The following CENPC variants were observed in gnomAD, a reference collection of about 807,000 sequenced individuals.
CENPC encodes centromere protein C.
In CENPC, 63 loss-of-function variants were observed where a neutral mutation model predicts 112.1. The ratio of observed to expected loss-of-function variants is 0.56; its 90% confidence interval spans 0.46 to 0.69. CENPC has a LOEUF of 0.69. Among genes scored for constraint, CENPC ranks in the 30% least tolerant of loss-of-function variants. The pLI, the probability that CENPC is intolerant of heterozygous loss-of-function variation, is 0.00. For synonymous variants in CENPC, 333 were observed against 367.6 expected (o/e 0.91, Z 1.08); for missense variants, 1,000 against 1,103.8 (o/e 0.91, Z 1.33).
rs1724598389 is a variant in CENPC at position 67,469,603 on chromosome 4, A to G, written c.*3002T>C. Reference sequence around the variant, plus strand: ...CATGATCCACCCGACTTAGCCTCCCAAAGTGTTGGGATTACAGGCATGAGC... The same window carrying G: ...CATGATCCACCCGACTTAGCCTCCCGAAGTGTTGGGATTACAGGCATGAGC... On this transcript the variant is annotated 3_prime_UTR_variant, in exon 19 of 19. Transcript: ENST00000273853. 6.6e-6 allele frequency: 1 copy of G among 152,414 alleles called. No homozygotes were observed. 9.4% of individuals were successfully genotyped at this position (152,414 alleles called of 1,614,324 possible). A position where few individuals can be genotyped will look rare whatever the true frequency, so the allele number is the denominator to read the frequency against.
intron 9 of CENPC, 78 bp from the exon 10 acceptor site, chr4:67,509,183 T>C (rs2109798030): frequency 3.4e-6 from 3 of 881,716 alleles, no homozygotes; most frequent in Non-Finnish European, 5.2e-6. Context: ...ACAGCATTTA[T>C]ATTTGCATAT....
Position 67,470,493 on chromosome 4 carries a change from AC to A in CENPC, c.*2111del, listed in dbSNP as rs1724626415. ...AGGCTGACGCAGGAGAATTGCTTGA[AC>A]CCGGGAGGTGGAGGTTGCAGTGAGC... On this transcript the variant is annotated 3_prime_UTR_variant, in exon 19 of 19. Transcript: ENST00000273853. 6.9e-6 allele frequency: 1 copy of A among 144,410 alleles called. No individual in the cohort carries two copies. Among genetic ancestry groups the A allele is most frequent in the African/African-American group, 2.6e-5 (1 of 38,746 alleles). The allele number at this position is 144,410 out of a possible 1,614,324, so 8.9% of individuals were successfully genotyped here.
rs550208496 is a variant in CENPC at position 67,471,804 on chromosome 4, T to C, written c.*801A>G. ...AGAATTTTTAGCTTAGATGTATTGA[T>C]TGATATTAAAAAGGGAAAGTTGAGG... On this transcript the variant is annotated 3_prime_UTR_variant, in exon 19 of 19. Coordinates refer to ENST00000273853, the MANE Select transcript of CENPC (RefSeq NM_001812.4). 2 of 152,342 alleles carry C rather than the reference T, an allele frequency of 1.3e-5. No homozygotes were observed. Among genetic ancestry groups the C allele is most frequent in the South Asian group, 4.2e-4 (2 of 4,818 alleles). 9.4% of individuals were successfully genotyped at this position (152,342 alleles called of 1,614,324 possible).
intron 18 of CENPC, among the ~76,000 whole-genome samples, chr4:67,473,464 T>C (rs1056765464): frequency 3.9e-5 from 6 of 152,210 alleles, no homozygotes; most frequent in African/African-American, 1.4e-4. Flanking sequence ...TCCAACAGAA[T>C]GTAAGCTCTA....
At chr4:67,523,652 A>T (rs1011467209) in intron 5 of CENPC, among the ~76,000 whole-genome samples, 2 of 145,492 alleles carry the variant, frequency 1.4e-5, no homozygotes, top group Non-Finnish European at 3.0e-5. Flanking sequence ...GTATGTGTTG[A>T]TACACAAGTT....
chr4:67,482,216 A>G (rs796285403), intron 17 of CENPC, among the ~76,000 whole-genome samples: 1 of 152,220 alleles, frequency 6.6e-6, no homozygotes, highest in South Asian at 2.1e-4. Context: ...AACCACAATG[A>G]GATACCACCT....
chr4:67,479,055 G>C (rs1724884874), intron 17 of CENPC, among the ~76,000 whole-genome samples: 1 of 152,034 alleles, frequency 6.6e-6, no homozygotes, highest in Non-Finnish European at 1.5e-5. Context: ...TAACACCAGA[G>C]CTCCCAAATT....
chr4:67,494,042 TAGC>T (rs1725361032), intron 13 of CENPC, 54 bp from the exon 14 acceptor site: 2 of 1,057,414 alleles, frequency 1.9e-6, no homozygotes, highest in Non-Finnish European at 2.7e-6. Flanking sequence ...TGATGGTACT[TAGC>T]AGTGGAAAGA....
At chr4:67,485,536 C>T in intron 17 of CENPC, among the ~76,000 whole-genome samples, 1 of 152,152 alleles carries the variant, frequency 6.6e-6, no homozygotes, top group Non-Finnish European at 1.5e-5. Flanking sequence ...AGTGCAGAGC[C>T]TTCAGGAATG....
chr4:67,503,722 A>G (rs1030025055), intron 12 of CENPC, among the ~76,000 whole-genome samples: 1 of 152,156 alleles, frequency 6.6e-6, no homozygotes, highest in Non-Finnish European at 1.5e-5. Context: ...TCTGTATACA[A>G]ATTATTCCCT....
At chr4:67,535,439 A>G (rs1412020775) in intron 4 of CENPC, among the ~76,000 whole-genome samples, 5 of 151,998 alleles carry the variant, frequency 3.3e-5, no homozygotes, top group African/African-American at 4.8e-5. Flanking sequence ...GGTAGATTGA[A>G]GAAAAAAAAA....
rs748174723 is a variant in CENPC at position 67,506,914 on chromosome 4, T to C, written c.1925A>G (p.Asn642Ser). 9.3e-6 allele frequency: 15 copies of C among 1,607,560 alleles called. No homozygotes were observed. The South Asian group carries it at 1.4e-4, about 16-fold the overall frequency. ...DCSRSTRSSK[N>S]EDNIMTAQNV... The stretch of plus-strand genomic sequence containing the variant: ...CTGTGCAGTCATAATGTTATCTTCA[T>C]TCTTTGAGCTTCTTGTAGATCTATA... Residue 642 changes from asparagine to serine, a missense_variant, in exon 11 of 19, where the codon AAT becomes AGT. Transcript: ENST00000273853.
chr4:67,541,820 A>C (rs907563794), intron 2 of CENPC, among the ~76,000 whole-genome samples: 17 of 152,168 alleles, frequency 1.1e-4, no homozygotes, highest in African/African-American at 4.1e-4. Context: ...TTTTGTAATC[A>C]TAACCACCTT....
chr4:67,480,311 C>G (rs1357322619), intron 17 of CENPC, among the ~76,000 whole-genome samples: 2 of 152,084 alleles, frequency 1.3e-5, no homozygotes, highest in South Asian at 4.2e-4. Context: ...AAGAGCAAAA[C>G]CCCGTCTCAA....
At chr4:67,524,841 T>C (rs1165292024) in intron 5 of CENPC, among the ~76,000 whole-genome samples, 1 of 152,110 alleles carries the variant, frequency 6.6e-6, no homozygotes, top group Non-Finnish European at 1.5e-5. Flanking sequence ...TTAAATTTCA[T>C]ATAGAACCAA....
intron 17 of CENPC, among the ~76,000 whole-genome samples, chr4:67,477,016 A>G (rs1399981129): frequency 6.6e-6 from 1 of 152,146 alleles, no homozygotes; most frequent in African/African-American, 2.4e-5. Context: ...CAAAAAGCTC[A>G]GCCCAAGGAG....
intron 9 of CENPC, 96 bp from the exon 10 acceptor site, chr4:67,509,201 T>TACACACAC (rs1242989964): frequency 1.2e-5 from 7 of 576,070 alleles, no homozygotes; most frequent in African/African-American, 2.6e-5. Flanking sequence ...TATAAACATA[T>TACACACAC]ACACATACAC....
intron 12 of CENPC, among the ~76,000 whole-genome samples, chr4:67,497,176 G>C (rs907560603): frequency 6.6e-6 from 1 of 151,846 alleles, no homozygotes; most frequent in African/African-American, 2.4e-5. Context: ...TCAGGAGTTC[G>C]AGACCAGCCT....
At chr4:67,509,207 TACACACACAC>T (rs36207189) in intron 9 of CENPC, 102 bp from the exon 10 acceptor site, 191,959 of 483,882 alleles carry the variant, frequency 0.4, 20,177 homozygotes, top group Admixed American at 0.44. Flanking sequence ...CATATACACA[TACACACACAC>T]ACACACACAC....
Sources: allele counts gnomAD v4.1 joint callset (sites outside exome capture counted in the v4.1 genomes callset), GRCh38; gene constraint gnomAD v4.1.1; transcripts MANE v1.5; gene names NCBI Gene and HGNC (gene_info 2026-07-23, HGNC 2026-07-21).